Variants in NOL4 observed in about 807,000 individuals in gnomAD.
The protein encoded by NOL4 is cancer/testis antigen 125.
NOL4 carries 17 observed loss-of-function variants against 75.9 expected under a neutral mutation model. The ratio of observed to expected loss-of-function variants is 0.22; its 90% CI spans 0.15 to 0.34. The LOEUF (loss-of-function observed/expected upper bound fraction) is 0.34, where lower values mean the gene tolerates loss of function less well. Among genes scored for constraint, NOL4 ranks in the 10% least tolerant of loss-of-function variants. The pLI is 1.00. For synonymous variants in NOL4, 292 were observed against 289.9 expected (o/e 1.01, Z -0.07); for missense variants, 614 against 793.5 (o/e 0.77, Z 2.72).
At chr18:34,082,345 G>A (rs1472185303) in intron 5 of NOL4, among the ~76,000 whole-genome samples, 1 of 151,574 alleles carries the variant, frequency 6.6e-6, no homozygotes, top group African/African-American at 2.4e-5. Flanking sequence ...ATTAGCCTCC[G>A]TGTCCTCTTG....
Position 33,861,394 on chromosome 18 carries a change from T to A in NOL4, c.1724-8359A>T, listed in dbSNP as rs550343912. 9.2e-5 allele frequency among the ~76,000 whole-genome samples: 14 copies of A among 152,346 alleles called. No individual in the cohort carries two copies. In the South Asian group the frequency reaches 2.9e-3, roughly 32 times the overall value. On this transcript the variant is annotated intron_variant, in intron 10 of 10. Coordinates refer to ENST00000261592, the MANE Select transcript of NOL4 (RefSeq NM_003787.5). ...GTATGCGTCAAGGAATTTATCCATT[T>A]CTTCTGGATTTTCAAGTTTATTTGT...
chr18:33,892,254 C>A (rs1292736127), intron 9 of NOL4, among the ~76,000 whole-genome samples: 2 of 151,772 alleles, frequency 1.3e-5, no homozygotes, highest in Non-Finnish European at 2.9e-5. Flanking sequence ...CAAAGCAAGA[C>A]CCTGTCTCTA....
intron 4 of NOL4, among the ~76,000 whole-genome samples, chr18:34,094,020 C>T (rs962119755): frequency 1.3e-5 from 2 of 151,964 alleles, no homozygotes; most frequent in Non-Finnish European, 2.9e-5. Context: ...CCAGCCTGGG[C>T]AACAGAGCGA....
chr18:34,141,303 T>G (rs1171765831), intron 1 of NOL4, among the ~76,000 whole-genome samples: 5 of 152,144 alleles, frequency 3.3e-5, no homozygotes, highest in African/African-American at 1.2e-4. Context: ...AAGCTACCAA[T>G]GACTTTCTTC....
At chr18:33,876,184 GCCTATAGATTTGTCTTGAA>G (rs2063925176) in intron 10 of NOL4, among the ~76,000 whole-genome samples, 1 of 151,958 alleles carries the variant, frequency 6.6e-6, no homozygotes, top group Non-Finnish European at 1.5e-5. Flanking sequence ...TTATTCTTCT[GCCTATAGATTTGTCTTGAA>G]CATGATATAA....
At chr18:33,923,433 G>A (rs991041838) in intron 9 of NOL4, among the ~76,000 whole-genome samples, 1 of 151,722 alleles carries the variant, frequency 6.6e-6, no homozygotes, top group Admixed American at 6.6e-5. Flanking sequence ...TGAGTGTTTA[G>A]ATATTATGTA....
At chr18:33,886,939 TATATCTAG>T (rs2064742667) in intron 9 of NOL4, among the ~76,000 whole-genome samples, 1 of 131,640 alleles carries the variant, frequency 7.6e-6, no homozygotes, top group African/African-American at 3.1e-5. Context: ...TATATATCTA[TATATCTAG>T]ATATATTATA....
In NOL4 at chr18:34,100,040, C is replaced by CT. The variant is rs34923263; in HGVS notation, c.639+4006dup. Among the ~76,000 whole-genome samples the CT allele has an allele frequency of 8.9e-3, 1,277 of 144,048 alleles. 7 individuals carry two copies. Among genetic ancestry groups the CT allele is most frequent in the South Asian group, 0.021 (93 of 4,444 alleles). The allele number at this position is 144,048 out of a possible 152,430, so 94.5% of individuals were successfully genotyped here. On this transcript the variant is annotated intron_variant, in intron 4 of 10. Coordinates refer to ENST00000261592, the MANE Select transcript of NOL4 (RefSeq NM_003787.5). ...ACCTTCTCAAACATCCTTAGTCTTG[C>CT]TTTTTTTTTTTTTTTAACTGATGAA...
chr18:34,124,114 A>C (rs1013417962), intron 2 of NOL4, among the ~76,000 whole-genome samples: 1 of 152,164 alleles, frequency 6.6e-6, no homozygotes, highest in South Asian at 2.1e-4. Context: ...ATCTGTATTA[A>C]AAAGGCAGGA....
intron 9 of NOL4, among the ~76,000 whole-genome samples, chr18:33,912,155 T>C (rs2066447642): frequency 1.3e-5 from 2 of 152,084 alleles, no homozygotes; most frequent in African/African-American, 2.4e-5. Context: ...TGTCACCCTA[T>C]AGTCAGTTAG....
chr18:33,863,693 A>G (rs894519733), intron 10 of NOL4, among the ~76,000 whole-genome samples: 1 of 152,140 alleles, frequency 6.6e-6, no homozygotes, highest in Admixed American at 6.5e-5. Flanking sequence ...GGCTTTTTCA[A>G]GCACATGGTG....
At chr18:34,078,741 A>G (rs1461599099) in intron 5 of NOL4, among the ~76,000 whole-genome samples, 2 of 152,242 alleles carry the variant, frequency 1.3e-5, no homozygotes, top group African/African-American at 4.8e-5. Context: ...AAGGAATTCT[A>G]AAATGCCTCG....
At chr18:33,881,570 G>A (rs1599727381) in intron 10 of NOL4, among the ~76,000 whole-genome samples, 1 of 151,692 alleles carries the variant, frequency 6.6e-6, no homozygotes, top group East Asian at 1.9e-4. Context: ...CAAACAAATG[G>A]AAGAACATTC....
At chr18:34,170,874 G>A (rs548884169) in intron 1 of NOL4, among the ~76,000 whole-genome samples, 1 of 152,258 alleles carries the variant, frequency 6.6e-6, no homozygotes, top group South Asian at 2.1e-4. Context: ...CCAAGATGTT[G>A]AGCAGCCTAA....
At chr18:34,171,982 C>T (rs1484562993) in intron 1 of NOL4, among the ~76,000 whole-genome samples, 2 of 152,036 alleles carry the variant, frequency 1.3e-5, no homozygotes, top group African/African-American at 2.4e-5. Context: ...AGCAATGAAG[C>T]CTTGCCTGTA....
chr18:33,940,463 C>T (rs904662915), intron 9 of NOL4, among the ~76,000 whole-genome samples: 2 of 151,972 alleles, frequency 1.3e-5, no homozygotes, highest in Non-Finnish European at 2.9e-5. Flanking sequence ...GCAAACCAAA[C>T]ACGCATGTTC....
At chr18:34,109,297 G>A (rs893851500) in intron 2 of NOL4, among the ~76,000 whole-genome samples, 6 of 151,948 alleles carry the variant, frequency 3.9e-5, no homozygotes, top group Non-Finnish European at 8.8e-5. Context: ...GATCATTTGA[G>A]GCTAGGAGTT....
At chr18:34,126,825 A>G (rs1270821319) in intron 2 of NOL4, among the ~76,000 whole-genome samples, 2 of 152,024 alleles carry the variant, frequency 1.3e-5, no homozygotes, top group Admixed American at 1.3e-4. Flanking sequence ...TTCAGATTAT[A>G]TTTTTTAGTA....
intron 5 of NOL4, among the ~76,000 whole-genome samples, chr18:34,078,777 A>G (rs2077861293): frequency 1.3e-5 from 2 of 152,218 alleles, no homozygotes; most frequent in Non-Finnish European, 2.9e-5. Context: ...GAACATAGGT[A>G]TATAATAAAC....
Sources: allele counts gnomAD v4.1 joint callset (sites outside exome capture counted in the v4.1 genomes callset), GRCh38; gene constraint gnomAD v4.1.1; transcripts MANE v1.5; gene names NCBI Gene and HGNC (gene_info 2026-07-23, HGNC 2026-07-21).